CSGALNACT1: variants seen among roughly 807,000 people sequenced by gnomAD.
The protein encoded by CSGALNACT1 is beta4GalNAcT-1.
Under a neutral mutation model 51.0 loss-of-function variants are expected in CSGALNACT1, and 52 were observed. The ratio of observed to expected loss-of-function variants is 1.02; its 90% confidence interval spans 0.82 to 1.29. The LOEUF is 1.29. Among genes scored for constraint, CSGALNACT1 ranks in the 50% most tolerant of loss-of-function variants. The pLI is 0.00. For synonymous variants in CSGALNACT1, 341 were observed against 254.4 expected (o/e 1.34, Z -3.24); for missense variants, 935 against 679.2 (o/e 1.38, Z -4.19).
intron 5 of CSGALNACT1, among the ~76,000 whole-genome samples, chr8:19,442,490 T>C (rs182536830): frequency 0.026 from 3,927 of 149,148 alleles, 73 homozygotes; most frequent in Non-Finnish European, 0.04. Flanking sequence ...AAACACTGCA[T>C]GTTCTCACTC....
intron 3 of CSGALNACT1, among the ~76,000 whole-genome samples, chr8:19,566,343 T>C (rs2041895002): frequency 6.6e-6 from 1 of 151,198 alleles, no homozygotes; most frequent in Non-Finnish European, 1.5e-5. Flanking sequence ...TCCTGGAGTC[T>C]TCAGAGGAAG....
At chr8:19,746,384 T>C (rs2064665248) in intron 1 of CSGALNACT1, among the ~76,000 whole-genome samples, 3 of 152,186 alleles carry the variant, frequency 2.0e-5, no homozygotes, top group Admixed American at 2.0e-4. Context: ...TAAAACTATC[T>C]GCCTATTGGC....
At chr8:19,521,395 C>T (rs776078959) in intron 3 of CSGALNACT1, among the ~76,000 whole-genome samples, 14 of 152,294 alleles carry the variant, frequency 9.2e-5, no homozygotes, top group Middle Eastern at 3.4e-3. Flanking sequence ...AAGAGTAGGG[C>T]CCAGGGGGCC....
In CSGALNACT1 at chr8:19,666,801, AAGAAAGAAAG is replaced by A. The variant is rs1488223858; in HGVS notation, c.-544+15662_-544+15671del. ...AAAGAAAGAAAGAAAGAAAGAAAGA[AAGAAAGAAAG>A]AGAGAGAGAGAGAGAGAGAGAGAAA... On this transcript the variant is annotated intron_variant, in intron 1 of 9. Transcript: ENST00000332246. 3.1e-3 allele frequency among the ~76,000 whole-genome samples: 67 copies of A among 21,806 alleles called. 2 individuals are homozygous for A. Among genetic ancestry groups the A allele is most frequent in the East Asian group, 7.5e-3 (9 of 1,196 alleles). 14.3% of individuals were successfully genotyped at this position (21,806 alleles called of 152,430 possible).
At chr8:19,469,324 G>A (rs147992016) in intron 4 of CSGALNACT1, among the ~76,000 whole-genome samples, 17 of 152,274 alleles carry the variant, frequency 1.1e-4, no homozygotes, top group African/African-American at 4.1e-4. Flanking sequence ...CCAGGAGATC[G>A]AGGCTACAGT....
chr8:19,686,645 G>A (rs2154212308), upstream of CSGALNACT1, among the ~76,000 whole-genome samples: 1 of 152,310 alleles, frequency 6.6e-6, no homozygotes. Flanking sequence ...TGGCCACATA[G>A]AACTTCAATT....
intron 1 of CSGALNACT1, among the ~76,000 whole-genome samples, chr8:19,647,222 C>T (rs1315869136): frequency 1.3e-5 from 2 of 152,124 alleles, no homozygotes; most frequent in African/African-American, 4.8e-5. Flanking sequence ...TGCTATCCAA[C>T]AAGTATTTCC....
intron 8 of CSGALNACT1, among the ~76,000 whole-genome samples, chr8:19,414,500 T>A (rs981863324): frequency 2.0e-5 from 3 of 152,178 alleles, no homozygotes; most frequent in Non-Finnish European, 2.9e-5. Context: ...ACTAAAAAAA[T>A]TTAAATGTTA....
chr8:19,437,475 G>A (rs1359467464), intron 6 of CSGALNACT1, among the ~76,000 whole-genome samples: 1 of 152,128 alleles, frequency 6.6e-6, no homozygotes, highest in Non-Finnish European at 1.5e-5. Flanking sequence ...CAGGCTGGCT[G>A]CAGAGGTCTG....
intron 3 of CSGALNACT1, among the ~76,000 whole-genome samples, chr8:19,556,826 G>A (rs1327497286): frequency 1.3e-5 from 2 of 151,940 alleles, no homozygotes; most frequent in Non-Finnish European, 2.9e-5. Flanking sequence ...AGACATTAAA[G>A]TACAACAGGA....
At chr8:19,420,967 CA>C (rs2057827481) in intron 6 of CSGALNACT1, among the ~76,000 whole-genome samples, 1 of 152,196 alleles carries the variant, frequency 6.6e-6, no homozygotes, top group African/African-American at 2.4e-5. Flanking sequence ...AGGAGCCAGG[CA>C]AAATGTTCTT....
intron 8 of CSGALNACT1, among the ~76,000 whole-genome samples, chr8:19,414,443 C>A (rs753621247): frequency 6.6e-6 from 1 of 152,176 alleles, no homozygotes; most frequent in Non-Finnish European, 1.5e-5. Context: ...TCTCAGCGAA[C>A]TGTTTCTACA....
At chr8:19,552,480 C>G (rs936708859) in intron 3 of CSGALNACT1, among the ~76,000 whole-genome samples, 1 of 152,062 alleles carries the variant, frequency 6.6e-6, no homozygotes, top group Non-Finnish European at 1.5e-5. Context: ...ATTATCACTC[C>G]GAGACCAAGT....
intron 1 of CSGALNACT1, among the ~76,000 whole-genome samples, chr8:19,644,976 A>T (rs1041841065): frequency 3.9e-5 from 6 of 152,180 alleles, no homozygotes; most frequent in African/African-American, 1.2e-4. Flanking sequence ...TCTGGCCAAG[A>T]AACAAATTTA....
Position 19,586,853 on chromosome 8 carries a change from G to A in CSGALNACT1, c.-297+4307C>T, listed in dbSNP as rs573996215. Among the ~76,000 whole-genome samples, 9 of 152,238 alleles carry A rather than the reference G, an allele frequency of 5.9e-5. No homozygotes were observed. In the South Asian group the frequency reaches 1.2e-3, roughly 21 times the overall value. ...GAATCGTCCTAGGCTCAGGTACATC[G>A]TACCCTACCAGAGAGGAATCCATTA... On this transcript the variant is annotated intron_variant, in intron 3 of 9. Coordinates refer to ENST00000454498, the Ensembl canonical transcript of CSGALNACT1.
At chr8:19,582,074 A>G (rs2045702437) in intron 3 of CSGALNACT1, among the ~76,000 whole-genome samples, 1 of 152,226 alleles carries the variant, frequency 6.6e-6, no homozygotes, top group African/African-American at 2.4e-5. Flanking sequence ...CAAAAAATAT[A>G]TAATTTATAG....
At chr8:19,663,333 C>T (rs1037576008) in intron 1 of CSGALNACT1, among the ~76,000 whole-genome samples, 1 of 152,098 alleles carries the variant, frequency 6.6e-6, no homozygotes, top group African/African-American at 2.4e-5. Context: ...ACTACGAAAA[C>T]CCTGTTTTCT....
intron 1 of CSGALNACT1, among the ~76,000 whole-genome samples, chr8:19,734,904 G>C (rs1349134971): frequency 6.6e-6 from 1 of 152,068 alleles, no homozygotes; most frequent in Non-Finnish European, 1.5e-5. Flanking sequence ...GCACGGTTGA[G>C]ATGATGGGTA....
intron 3 of CSGALNACT1, among the ~76,000 whole-genome samples, chr8:19,530,836 A>G (rs2082630339): frequency 6.6e-6 from 1 of 152,246 alleles, no homozygotes; most frequent in Non-Finnish European, 1.5e-5. Context: ...AGGAAAAAAG[A>G]GTCACACGAA....
Sources: allele counts gnomAD v4.1 joint callset (sites outside exome capture counted in the v4.1 genomes callset), GRCh38; gene constraint gnomAD v4.1.1; transcripts MANE v1.5; gene names NCBI Gene and HGNC (gene_info 2026-07-23, HGNC 2026-07-21).